Variants in AJAP1 observed in about 807,000 individuals in gnomAD.
AJAP1 encodes the protein adherens junctions associated protein 1, also known as adherens junction-associated protein 1.
Under a neutral mutation model 35.0 loss-of-function variants are expected in AJAP1, and 5 were observed. The observed-to-expected ratio is 0.14, with a 90% CI of 0.07 to 0.30. The LOEUF is 0.30. Among genes scored for constraint, AJAP1 ranks in the 10% least tolerant of loss-of-function variants. AJAP1 has a pLI of 1.00. For missense variants in AJAP1, 586 were observed against 571.0 expected (o/e 1.03, Z -0.27); for synonymous variants, 284 against 249.3 (o/e 1.14, Z -1.31).
Position 4,669,667 on chromosome 1 carries a change from T to C in AJAP1, c.29+14213T>C, listed in dbSNP as rs1409955446. Among the ~76,000 whole-genome samples, 3 of 152,194 alleles carry C rather than the reference T, an allele frequency of 2.0e-5. No homozygotes were observed. The East Asian group carries it at 5.8e-4, about 29-fold the overall frequency. ...GACACAGCCAAACCACATCATACAA[T>C]ATGTAACCTTTTGTGTCTGGCTTCT... is the stretch of plus-strand genomic sequence containing the variant. On this transcript the variant is annotated intron_variant, in intron 1 of 5. Transcript: ENST00000378191.
intron 5 of AJAP1, among the ~76,000 whole-genome samples, chr1:4,779,153 G>T (rs1475749043): frequency 6.6e-6 from 1 of 152,184 alleles, no homozygotes; most frequent in Non-Finnish European, 1.5e-5. Flanking sequence ...TCCCCAGGGA[G>T]GTGTTCTTTC....
chr1:4,712,818 GGC>G (rs753026143), intron 2 of AJAP1, 119 bp downstream of exon 2: 30 of 1,086,136 alleles, frequency 2.8e-5, no homozygotes, highest in Non-Finnish European at 3.6e-5. Context: ...AGGAGATGCA[GGC>G]GTGATGTGTC....
intron 1 of AJAP1, among the ~76,000 whole-genome samples, chr1:4,695,476 G>A (rs955008550): frequency 1.3e-5 from 2 of 152,196 alleles, no homozygotes; most frequent in South Asian, 4.1e-4. Context: ...ACAGTACCTC[G>A]AGCCATGAGG....
Position 4,655,403 on chromosome 1 carries a change from G to T in AJAP1, c.-23G>T. The T allele has an allele frequency of 6.4e-7, 1 of 1,557,082 alleles. No individual in the cohort carries two copies. The highest frequency in any genetic ancestry group is 1.7e-4 in the Middle Eastern group (1 of 5,870). On this transcript the variant is annotated 5_prime_UTR_variant, in exon 1 of 6. Transcript: ENST00000378191. The surrounding 1 kb of genome is among the most constrained non-coding windows in gnomAD (Gnocchi z 6.9). ...ATGGCCTGGGCGAGCCAGGTCTGAG[G>T]CCCCGCTCCCCGAAACGTGACCATG...
rs767952108 is a variant in AJAP1 at position 4,790,759 on chromosome 1, G to A, written c.*8274G>A. ...AGGTTCAGCAGACGTCTCAGGATCT[G>A]TCATATGTCATGTTGCTTGGTGTGA... is the stretch of plus-strand genomic sequence containing the variant. On this transcript the variant is annotated 3_prime_UTR_variant, in exon 6 of 6. Transcript: ENST00000378191. The A allele has an allele frequency of 1.3e-5, 2 of 152,172 alleles. No homozygotes were observed. Among genetic ancestry groups the A allele is most frequent in the Non-Finnish European group, 2.9e-5 (2 of 68,046 alleles). The allele number at this position is 152,172 out of a possible 1,614,324, so 9.4% of individuals were successfully genotyped here. A position where few individuals can be genotyped will look rare whatever the true frequency, so the allele number is the denominator to read the frequency against.
At chr1:4,719,480 A>G (rs1640469563) in intron 2 of AJAP1, among the ~76,000 whole-genome samples, 1 of 152,184 alleles carries the variant, frequency 6.6e-6, no homozygotes, top group Non-Finnish European at 1.5e-5. Context: ...GGAAGGAAAC[A>G]GGAGCCGTTG....
intron 5 of AJAP1, chr1:4,777,847 A>G (rs1375954238): frequency 1.3e-5 from 2 of 152,158 alleles, no homozygotes; most frequent in Non-Finnish European, 2.9e-5. Flanking sequence ...AGAATATCAA[A>G]CTTTTGTTAT....
intron 2 of AJAP1, among the ~76,000 whole-genome samples, chr1:4,768,323 C>T (rs396629): frequency 0.34 from 47,300 of 139,156 alleles, 7,798 homozygotes; most frequent in Middle Eastern, 0.51. Flanking sequence ...CACTGTTTGC[C>T]GGATGCTGTT....
intron 2 of AJAP1, among the ~76,000 whole-genome samples, chr1:4,718,813 G>A (rs1167920705): frequency 6.6e-6 from 1 of 152,058 alleles, no homozygotes; most frequent in African/African-American, 2.4e-5. Context: ...GAGCTGCTGG[G>A]TTCAACTCTG....
intron 2 of AJAP1, among the ~76,000 whole-genome samples, chr1:4,713,715 G>A (rs2100270294): frequency 6.6e-6 from 1 of 152,364 alleles, no homozygotes; most frequent in South Asian, 2.1e-4. Flanking sequence ...ACCTAGATCT[G>A]TGCATACACA....
At chr1:4,684,248 C>G (rs1018912312) in intron 1 of AJAP1, among the ~76,000 whole-genome samples, 14 of 152,194 alleles carry the variant, frequency 9.2e-5, no homozygotes, top group African/African-American at 3.1e-4. Flanking sequence ...GATAATTTTA[C>G]TCGGTGGAAA....
chr1:4,774,319 C>A, intron 4 of AJAP1, 108 bp from the exon 5 acceptor site: 1 of 1,011,252 alleles, frequency 9.9e-7, no homozygotes, highest in Non-Finnish European at 1.6e-6. Flanking sequence ...CACATTAGTG[C>A]TTCCTTTCTC....
chr1:4,759,192 G>T (rs1641509554), intron 2 of AJAP1, among the ~76,000 whole-genome samples: 1 of 152,174 alleles, frequency 6.6e-6, no homozygotes, highest in Non-Finnish European at 1.5e-5. Flanking sequence ...TGAAAGGTGT[G>T]CATAGACCTG....
intron 2 of AJAP1, among the ~76,000 whole-genome samples, chr1:4,728,292 A>C (rs1022268146): frequency 1.2e-4 from 18 of 151,334 alleles, no homozygotes; most frequent in African/African-American, 4.4e-4. Flanking sequence ...GCCCCAGCGG[A>C]CCCTGGCTGA....
chr1:4,687,386 G>A (rs1023373270), intron 1 of AJAP1, among the ~76,000 whole-genome samples: 1 of 152,134 alleles, frequency 6.6e-6, no homozygotes, highest in African/African-American at 2.4e-5. Flanking sequence ...AGAAATGCTG[G>A]CACGCCCTCC....
intron 1 of AJAP1, among the ~76,000 whole-genome samples, chr1:4,670,904 A>G (rs16839422): frequency 0.14 from 21,331 of 152,312 alleles, 2,008 homozygotes; most frequent in East Asian, 0.35. Context: ...AAAGTCTTCC[A>G]TCACTGTAAC....
At chr1:4,661,432 C>G (rs1482519034) in intron 1 of AJAP1, among the ~76,000 whole-genome samples, 1 of 152,232 alleles carries the variant, frequency 6.6e-6, no homozygotes, top group African/African-American at 2.4e-5. Flanking sequence ...GCTCCCATTT[C>G]ACACAGGAGA....
chr1:4,711,028 G>A (rs1249474116), intron 1 of AJAP1: 2 of 152,290 alleles, frequency 1.3e-5, no homozygotes, highest in African/African-American at 2.4e-5. Flanking sequence ...GCCCTCCGGG[G>A]AGCTGAGGAG....
intron 1 of AJAP1, among the ~76,000 whole-genome samples, chr1:4,685,014 C>A (rs1639573624): frequency 1.3e-5 from 2 of 152,278 alleles, no homozygotes; most frequent in South Asian, 4.1e-4. Context: ...GGCCCAACAA[C>A]AAAGGCACCC....
Sources: allele counts gnomAD v4.1 joint callset (sites outside exome capture counted in the v4.1 genomes callset), GRCh38; gene constraint gnomAD v4.1.1; non-coding constraint Gnocchi (gnomAD v3.1); transcripts MANE v1.5; gene names NCBI Gene and HGNC (gene_info 2026-07-23, HGNC 2026-07-21).